Variants in TSNAX observed in about 807,000 individuals in gnomAD.
TSNAX encodes the protein translin associated factor X, also known as translin-associated protein X.
TSNAX carries 12 observed loss-of-function variants against 33.0 expected under a neutral mutation model. The observed-to-expected ratio is 0.36, with a 90% CI of 0.23 to 0.59. The LOEUF (loss-of-function observed/expected upper bound fraction) is 0.59. Ranked by LOEUF, TSNAX falls within the 20% of genes least tolerant of loss-of-function variation. The probability of loss-of-function intolerance (pLI) is 0.74; values close to 1 mark genes in which losing one functional copy is unlikely to be tolerated. For synonymous variants in TSNAX, 110 were observed against 117.2 expected (o/e 0.94, Z 0.40); for missense variants, 267 against 341.3 (o/e 0.78, Z 1.72).
chr1:231,532,131 AACACACACACACAC>A (rs745744924), intron 2 of TSNAX, among the ~76,000 whole-genome samples: 983 of 85,156 alleles, frequency 0.012, 16 homozygotes, highest in Admixed American at 0.015. Context: ...TAGTGGTAAT[AACACACACACACAC>A]ACACACACAC....
intron 2 of TSNAX, among the ~76,000 whole-genome samples, chr1:231,531,554 C>T (rs1658718866): frequency 6.6e-6 from 1 of 152,144 alleles, no homozygotes; most frequent in African/African-American, 2.4e-5. Context: ...TAGTGTCTGA[C>T]TTACAGTGGT....
At chr1:231,552,278 G>C (rs1382274140) in intron 4 of TSNAX, among the ~76,000 whole-genome samples, 2 of 152,020 alleles carry the variant, frequency 1.3e-5, no homozygotes, top group African/African-American at 4.8e-5. Flanking sequence ...AACAGAGCCA[G>C]GTTGTCTCAG....
rs71179786 is a variant in TSNAX, at chr1:231,559,317, T to TTTGTTG, written c.368-1790_368-1785dup. The stretch of plus-strand genomic sequence containing the variant: ...TGAAAATTGTGGCTATAGAATATAG[T>TTTGTTG]TTGTTGTTGTTGTTGTTGTTGTTGT... On this transcript the variant is annotated intron_variant, in intron 4 of 5. Transcript: ENST00000366639. 3.2e-3 allele frequency among the ~76,000 whole-genome samples: 485 copies of TTTGTTG among 151,312 alleles called. 1 individual carries two copies. The highest frequency in any genetic ancestry group is 0.01 in the Middle Eastern group (3 of 292).
chr1:231,561,307 T>G, intron 5 of TSNAX, 52 bp downstream of exon 5: 1 of 1,343,176 alleles, frequency 7.4e-7, no homozygotes. Context: ...TGTAACAGTA[T>G]GACGATTCTA....
chr1:231,550,400 A>T (rs1660222434), intron 4 of TSNAX, among the ~76,000 whole-genome samples: 1 of 152,216 alleles, frequency 6.6e-6, no homozygotes. Flanking sequence ...AGGTGCCTTA[A>T]GGGGAGAAGC....
chr1:231,535,984 T>G (rs1659143256), intron 2 of TSNAX: 1 of 152,230 alleles, frequency 6.6e-6, no homozygotes, highest in African/African-American at 2.4e-5. Flanking sequence ...ACAGCCTGCG[T>G]TCAGCCTTTC....
rs1661443370 is a variant in TSNAX at position 231,566,442 on chromosome 1, CTGTT to C, written c.*1541_*1544del. 6.6e-6 allele frequency: 1 copy of C among 152,336 alleles called. No individual in the cohort carries two copies. Among genetic ancestry groups the C allele is most frequent in the East Asian group, 1.9e-4 (1 of 5,184 alleles). 9.4% of individuals were successfully genotyped at this position (152,336 alleles called of 1,614,324 possible). On this transcript the variant is annotated 3_prime_UTR_variant, in exon 6 of 6. Coordinates refer to ENST00000366639, the MANE Select transcript of TSNAX (RefSeq NM_005999.3). ...GGTTTTATTTTTTGAAAGATTAGCT[CTGTT>C]TGTAAGGGCTGATTCCTTGAAAATG...
At chr1:231,542,804 T>C (rs1476392008) in intron 4 of TSNAX, 193 bp downstream of exon 4, 2 of 513,246 alleles carry the variant, frequency 3.9e-6, no homozygotes, top group African/African-American at 2.0e-5. Context: ...AGTGTAGTGA[T>C]GGTCATTGAT....
chr1:231,559,963 AATTATT>A (rs1279104097), intron 4 of TSNAX, among the ~76,000 whole-genome samples: 85 of 148,870 alleles, frequency 5.7e-4, no homozygotes, highest in South Asian at 1.1e-3. Context: ...GAAAGATCCA[AATTATT>A]ATTATTATTA....
intron 2 of TSNAX, among the ~76,000 whole-genome samples, chr1:231,531,665 G>T (rs1658726363): frequency 6.6e-6 from 1 of 152,100 alleles, no homozygotes; most frequent in South Asian, 2.1e-4. Flanking sequence ...TTAGATCCAT[G>T]TCAGCTACTA....
chr1:231,562,632 T>G (rs1189868130), intron 5 of TSNAX, among the ~76,000 whole-genome samples: 1 of 152,008 alleles, frequency 6.6e-6, no homozygotes, highest in African/African-American at 2.4e-5. Flanking sequence ...AAATTGAGAG[T>G]CAAAGTACTG....
intron 5 of TSNAX, among the ~76,000 whole-genome samples, chr1:231,564,129 G>C (rs1352563580): frequency 6.6e-6 from 1 of 152,178 alleles, no homozygotes; most frequent in East Asian, 1.9e-4. Context: ...GAGCTTCTTA[G>C]GAAAACATTA....
chr1:231,548,050 C>T (rs1225823535), intron 4 of TSNAX, among the ~76,000 whole-genome samples: 7 of 151,872 alleles, frequency 4.6e-5, no homozygotes, highest in Non-Finnish European at 8.8e-5. Flanking sequence ...CCATGTTAGC[C>T]AGGATGGTCT....
Position 231,565,064 on chromosome 1 carries a change from C to A in TSNAX, c.*159C>A. ...GTATACAAGCTGTACATAAAATTAG[C>A]CAAATGAATCATTTCTTATATCTTA... is the stretch of plus-strand genomic sequence containing the variant. On this transcript the variant is annotated 3_prime_UTR_variant, in exon 6 of 6. Coordinates refer to ENST00000366639, the MANE Select transcript of TSNAX (RefSeq NM_005999.3). 2 of 868,264 alleles carry A rather than the reference C, an allele frequency of 2.3e-6. No homozygotes were observed. The highest frequency in any genetic ancestry group is 3.4e-6 in the Non-Finnish European group (2 of 591,194). The allele number at this position is 868,264 out of a possible 1,614,324, so 53.8% of individuals were successfully genotyped here.
intron 3 of TSNAX, among the ~76,000 whole-genome samples, chr1:231,538,931 CAAAA>C (rs548749042): frequency 3.2e-5 from 2 of 62,204 alleles, no homozygotes; most frequent in Non-Finnish European, 7.0e-5. Flanking sequence ...GACCCTGTCT[CAAAA>C]AAAAAAAAAA....
At chr1:231,551,385 G>A (rs777404309) in intron 4 of TSNAX, among the ~76,000 whole-genome samples, 5 of 152,088 alleles carry the variant, frequency 3.3e-5, no homozygotes, top group Admixed American at 6.5e-5. Context: ...ATTCCATATC[G>A]CTGTAACCTT....
chr1:231,560,053 C>T lies in TSNAX; in HGVS notation c.368-1075C>T, dbSNP rs1660957204. On this transcript the variant is annotated intron_variant, in intron 4 of 5. Transcript: ENST00000366639. ...GCAGTGCAGTGGCATGATCTTGGCT[C>T]ACTGCAAGCTCTGCTTCCCGGGTTC... Among the ~76,000 whole-genome samples, 6 of 151,120 alleles carry T rather than the reference C, an allele frequency of 4.0e-5. No homozygotes were observed. In the South Asian group the frequency reaches 1.2e-3, roughly 31 times the overall value.
At chr1:231,539,088 A>G (rs142690788) in intron 3 of TSNAX, among the ~76,000 whole-genome samples, 129 of 152,304 alleles carry the variant, frequency 8.5e-4, no homozygotes, top group African/African-American at 3.0e-3. Context: ...TCTTTTTCTT[A>G]CCTGACTGTG....
intron 3 of TSNAX, among the ~76,000 whole-genome samples, chr1:231,541,276 C>G (rs1055870997): frequency 6.6e-6 from 1 of 152,054 alleles, no homozygotes; most frequent in African/African-American, 2.4e-5. Flanking sequence ...CAACTATTCT[C>G]ACTTTGTACA....
Sources: allele counts gnomAD v4.1 joint callset (sites outside exome capture counted in the v4.1 genomes callset), GRCh38; gene constraint gnomAD v4.1.1; transcripts MANE v1.5; gene names NCBI Gene and HGNC (gene_info 2026-07-23, HGNC 2026-07-21).